Variants in MIA2 observed in about 807,000 individuals in gnomAD.
MIA2 encodes the protein MIA SH3 domain ER export factor 2.
In MIA2, 127 loss-of-function variants were observed where a neutral mutation model predicts 167.8. The ratio of observed to expected loss-of-function variants is 0.76; its 90% confidence interval spans 0.66 to 0.88. The LOEUF (loss-of-function observed/expected upper bound fraction) is 0.88, where lower values mean the gene tolerates loss of function less well. Among genes scored for constraint, MIA2 ranks in the 40% least tolerant of loss-of-function variants. The probability of loss-of-function intolerance (pLI) is 0.00; values close to 1 mark genes in which losing one functional copy is unlikely to be tolerated. For synonymous variants in MIA2, 552 were observed against 541.9 expected, an observed-to-expected ratio of 1.02 and a Z score of -0.26; for missense variants, 1,690 against 1,624.7, an observed-to-expected ratio of 1.04 and a Z score of -0.69.
At chr14:39,374,405 T>C (rs1434130346) in intron 23 of MIA2, among the ~76,000 whole-genome samples, 1 of 152,166 alleles carries the variant, frequency 6.6e-6, no homozygotes, top group Non-Finnish European at 1.5e-5. Context: ...GGTCCAAAAT[T>C]ATGTATATAC....
chr14:39,288,459 A>T (rs1384136023), intron 9 of MIA2, among the ~76,000 whole-genome samples: 9,215 of 17,044 alleles, frequency 0.54, 2,121 homozygotes, highest in East Asian at 0.72. Context: ...ATATATATAT[A>T]TATATATATA....
At chr14:39,382,461 G>C (rs2075185160) in intron 23 of MIA2, among the ~76,000 whole-genome samples, 1 of 152,244 alleles carries the variant, frequency 6.6e-6, no homozygotes, top group Non-Finnish European at 1.5e-5. Context: ...CCAGGAGACA[G>C]CTTTGTACCT....
At chr14:39,317,829 T>C (rs1016785561) in intron 21 of MIA2, 115 bp from the exon 22 acceptor site, 13 of 605,346 alleles carry the variant, frequency 2.1e-5, no homozygotes, top group Non-Finnish European at 2.9e-5. Context: ...TTGTATACCA[T>C]TGTTGTGATA....
intron 9 of MIA2, among the ~76,000 whole-genome samples, chr14:39,288,992 G>C (rs1040810): frequency 1.3e-5 from 2 of 151,952 alleles, no homozygotes; most frequent in Non-Finnish European, 2.9e-5. Context: ...CTCATAAAAT[G>C]TGTTAGGAAA....
chr14:39,236,288 C>A (rs1321668040), intron 1 of MIA2, among the ~76,000 whole-genome samples: 2 of 152,034 alleles, frequency 1.3e-5, no homozygotes, highest in Non-Finnish European at 2.9e-5. Flanking sequence ...ATAGAGGAAG[C>A]AGAACATGAC....
chr14:39,320,666 T>A (rs1354367566), intron 23 of MIA2, among the ~76,000 whole-genome samples: 1 of 152,208 alleles, frequency 6.6e-6, no homozygotes, highest in Admixed American at 6.5e-5. Flanking sequence ...ATATAAATGA[T>A]TATTTATCAT....
chr14:39,373,558 A>G (rs868741993), intron 23 of MIA2, among the ~76,000 whole-genome samples: 2 of 152,250 alleles, frequency 1.3e-5, no homozygotes, highest in African/African-American at 4.8e-5. Flanking sequence ...GTGGTGGTTC[A>G]CGCCTGTAAT....
intron 25 of MIA2, among the ~76,000 whole-genome samples, chr14:39,340,866 GTTTAA>G (rs2071652682): frequency 6.6e-6 from 1 of 152,124 alleles, no homozygotes; most frequent in Non-Finnish European, 1.5e-5. Flanking sequence ...AAAAATCTGT[GTTTAA>G]TTTGTCAGTC....
intron 9 of MIA2, among the ~76,000 whole-genome samples, chr14:39,280,575 A>G (rs942065222): frequency 1.3e-5 from 2 of 152,110 alleles, no homozygotes; most frequent in Non-Finnish European, 2.9e-5. Flanking sequence ...TACTAAAAAT[A>G]CAAAAAAATT....
At chr14:39,235,779 A>C (rs1489959102) in intron 1 of MIA2, among the ~76,000 whole-genome samples, 6 of 152,168 alleles carry the variant, frequency 3.9e-5, no homozygotes, top group Non-Finnish European at 7.3e-5. Context: ...CCCTGCCTCA[A>C]AAAAATATAT....
chr14:39,380,566 C>A (rs1474241411), intron 23 of MIA2, among the ~76,000 whole-genome samples: 1 of 151,520 alleles, frequency 6.6e-6, no homozygotes, highest in East Asian at 1.9e-4. Context: ...GGTGGCATGC[C>A]TCTGTAGTCC....
chr14:39,376,374 GTTGA>G (rs1046357848), intron 23 of MIA2, among the ~76,000 whole-genome samples: 1 of 152,104 alleles, frequency 6.6e-6, no homozygotes, highest in Admixed American at 6.5e-5. Flanking sequence ...CATGCTGTGG[GTTGA>G]TTTAGTGTTT....
downstream of MIA2, among the ~76,000 whole-genome samples, chr14:39,353,407 G>A (rs974119182): frequency 6.6e-6 from 1 of 152,048 alleles, no homozygotes; most frequent in African/African-American, 2.4e-5. Flanking sequence ...ATGAGATTAA[G>A]TTTTTTAACT....
At chr14:39,257,412 T>G (rs1433828797) in intron 6 of MIA2, among the ~76,000 whole-genome samples, 2 of 151,866 alleles carry the variant, frequency 1.3e-5, no homozygotes, top group Non-Finnish European at 2.9e-5. Flanking sequence ...CAACCCTCCT[T>G]TTTTTTTGCT....
intron 15 of MIA2, among the ~76,000 whole-genome samples, 168 bp from the exon 16 acceptor site, chr14:39,303,310 T>G (rs550319185): frequency 3.6e-4 from 55 of 152,250 alleles, no homozygotes; most frequent in African/African-American, 1.3e-3. Flanking sequence ...TTGTTTAGCT[T>G]CCTGGGAGCA....
intron 23 of MIA2, among the ~76,000 whole-genome samples, chr14:39,381,682 T>C (rs1252104833): frequency 7.6e-6 from 1 of 131,876 alleles, no homozygotes; most frequent in African/African-American, 3.0e-5. Context: ...TTTTTTTCTT[T>C]TTCTTTTTTT....
chr14:39,266,722 G>A lies in MIA2; in HGVS notation c.1888-10212G>A, dbSNP rs1162344299. 1.3e-5 allele frequency: 13 copies of A among 985,378 alleles called. No individual in the cohort carries two copies. In the South Asian group the frequency reaches 2.3e-4, roughly 18 times the overall value. The allele number at this position is 985,378 out of a possible 1,614,324, so 61.0% of individuals were successfully genotyped here. A position where few individuals can be genotyped will look rare whatever the true frequency, so the allele number is the denominator to read the frequency against. On this transcript the variant is annotated intron_variant, in intron 6 of 28. Coordinates refer to ENST00000640607, the MANE Select transcript of MIA2 (RefSeq NM_001329214.4). ...GCGGCTGGCTTCTCGGGGCTGCCGGGGTCTCCCGGGGTACGCCGCCGTCAG... is the reference window on the plus strand; with the variant it reads ...GCGGCTGGCTTCTCGGGGCTGCCGGAGTCTCCCGGGGTACGCCGCCGTCAG...
At chr14:39,293,248 A>G in intron 10 of MIA2, 23 bp from the exon 11 acceptor site, 1 of 1,476,640 alleles carries the variant, frequency 6.8e-7, no homozygotes, top group East Asian at 2.3e-5. Flanking sequence ...TATCTGTTTA[A>G]TAAAGTTGGC....
At chr14:39,336,268 A>G (rs1037075110) in intron 25 of MIA2, among the ~76,000 whole-genome samples, 1 of 152,068 alleles carries the variant, frequency 6.6e-6, no homozygotes, top group Non-Finnish European at 1.5e-5. Flanking sequence ...AACATCTGTT[A>G]TTTTGACTTT....
Sources: gnomAD v4.1 joint callset for allele counts (sites outside exome capture counted in the v4.1 genomes callset) on GRCh38, gnomAD v4.1.1 for gene constraint, MANE v1.5 for transcripts, NCBI Gene and HGNC (gene_info 2026-07-23, HGNC 2026-07-21) for gene names.